The following IL31RA variants were observed in gnomAD, a reference collection of about 807,000 sequenced individuals.
IL31RA encodes the protein interleukin 31 receptor A.
A neutral mutation model predicts 83.7 loss-of-function variants in IL31RA; 66 were observed. That is an observed-to-expected ratio of 0.79 (90% CI 0.65 to 0.97). The LOEUF is 0.97. Among genes scored for constraint, IL31RA ranks in the 50% least tolerant of loss-of-function variants. The pLI is 0.00. For missense variants in IL31RA, 798 were observed against 919.4 expected, an observed-to-expected ratio of 0.87 and a Z score of 1.71; for synonymous variants, 325 against 329.0, an observed-to-expected ratio of 0.99 and a Z score of 0.13.
intron 5 of IL31RA, among the ~76,000 whole-genome samples, chr5:55,885,702 A>C (rs989824308): frequency 1.1e-4 from 17 of 151,964 alleles, no homozygotes; most frequent in African/African-American, 4.1e-4. Context: ...TGCCTCTATC[A>C]CTGTGTTCAG....
chr5:55,879,494 G>A (rs1324847401), intron 4 of IL31RA, among the ~76,000 whole-genome samples: 8 of 125,812 alleles, frequency 6.4e-5, no homozygotes, highest in Non-Finnish European at 9.4e-5. Flanking sequence ...GTGCTGTGGC[G>A]CGATCTTGGC....
rs542883213 is a variant in IL31RA, at chr5:55,882,538, TA to T, written c.455-500del. Among the ~76,000 whole-genome samples, 663 of 152,322 alleles carry T rather than the reference TA, an allele frequency of 4.4e-3. 6 individuals are homozygous for T. Among genetic ancestry groups the T allele is most frequent in the African/African-American group, 0.014 (576 of 41,582 alleles). ...GTTTTTCTTTGTATTTTTCTACACT[TA>T]AAAAATGTTGTATAATAAGCATATG... On this transcript the variant is annotated intron_variant, in intron 4 of 14. Coordinates refer to ENST00000652347, the MANE Select transcript of IL31RA (RefSeq NM_139017.7).
chr5:55,845,172 T>C, the IL31RA span, among the ~76,000 whole-genome samples: 1 of 152,288 alleles, frequency 6.6e-6, no homozygotes, highest in South Asian at 2.1e-4. Flanking sequence ...CTTATAACAT[T>C]TTGTTGAAAG....
chr5:55,906,818 G>T (rs1749188346), intron 9 of IL31RA, among the ~76,000 whole-genome samples: 1 of 152,168 alleles, frequency 6.6e-6, no homozygotes, highest in Non-Finnish European at 1.5e-5. Context: ...GAGTGCAGTG[G>T]CACGATCATA....
intron 11 of IL31RA, among the ~76,000 whole-genome samples, chr5:55,909,444 G>T (rs764444529): frequency 6.6e-6 from 1 of 152,126 alleles, no homozygotes; most frequent in Non-Finnish European, 1.5e-5. Context: ...TGAATTGCTG[G>T]ATCATACTGT....
At chr5:55,841,343 C>T in the IL31RA span, among the ~76,000 whole-genome samples, 8 of 152,206 alleles carry the variant, frequency 5.3e-5, no homozygotes, top group African/African-American at 1.9e-4. Context: ...TTCATCTCCT[C>T]ATGTTTTCTT....
chr5:55,896,572 T>G, intron 7 of IL31RA, 143 bp downstream of exon 7: 2 of 400,470 alleles, frequency 5.0e-6, no homozygotes, highest in Middle Eastern at 6.5e-4. Flanking sequence ...TCCCCTCCCC[T>G]CCCTTCCCCC....
intron 2 of IL31RA, among the ~76,000 whole-genome samples, chr5:55,867,113 ATG>A (rs533803847): frequency 0.014 from 1,452 of 101,778 alleles, 24 homozygotes; most frequent in Middle Eastern, 0.072. Flanking sequence ...GTGTGTGTGC[ATG>A]TGTGTGTTTG....
rs78547848 is a variant in IL31RA, at chr5:55,918,304, G to C, written c.*1184G>C. 5.8e-3 allele frequency among the ~76,000 whole-genome samples: 886 copies of C among 152,314 alleles called. 14 individuals are homozygous for C. The highest frequency in any genetic ancestry group is 0.02 in the African/African-American group (834 of 41,560). On this transcript the variant is annotated 3_prime_UTR_variant, in exon 15 of 15. Coordinates refer to ENST00000652347, the MANE Select transcript of IL31RA (RefSeq NM_139017.7). Reference sequence around the variant, plus strand: ...CACTTGCCAGCCAGGAAGGCTGATGGTATTTTTTCTAGGAGAGTTTGAGGA... The same window carrying C: ...CACTTGCCAGCCAGGAAGGCTGATGCTATTTTTTCTAGGAGAGTTTGAGGA...
At chr5:55,906,711 C>T (rs1473587561) in intron 9 of IL31RA, among the ~76,000 whole-genome samples, 1 of 152,162 alleles carries the variant, frequency 6.6e-6, no homozygotes, top group East Asian at 1.9e-4. Flanking sequence ...AGTCCCTGCC[C>T]TACGTAAGAT....
chr5:55,905,676 C>T (rs192705051), intron 8 of IL31RA, among the ~76,000 whole-genome samples: 2 of 152,260 alleles, frequency 1.3e-5, no homozygotes, highest in East Asian at 1.9e-4. Context: ...ATAGTGAAAG[C>T]GTAAAGCCAT....
At chr5:55,913,756 C>T (rs1178013772) in intron 13 of IL31RA, among the ~76,000 whole-genome samples, 186 bp downstream of exon 13, 1 of 152,220 alleles carries the variant, frequency 6.6e-6, no homozygotes, top group East Asian at 1.9e-4. Flanking sequence ...TCTGACCAAG[C>T]AAGAGCACTT....
upstream of IL31RA, among the ~76,000 whole-genome samples, chr5:55,849,065 T>G (rs1023806277): frequency 2.0e-5 from 3 of 152,202 alleles, no homozygotes; most frequent in African/African-American, 7.2e-5. Context: ...TTTTAAAATA[T>G]AATTTTACAT....
chr5:55,913,458 T>A lies in IL31RA; in HGVS notation c.1643-19T>A. On this transcript the variant is annotated intron_variant, in intron 12 of 14. Transcript: ENST00000652347. ...AGGTGAGGAACTCACTACTGACTTT[T>A]GTTCTTTGTTTTTCAAAGGTGTCTT... is the stretch of plus-strand genomic sequence containing the variant. 1.3e-6 allele frequency: 2 copies of A among 1,547,988 alleles called. No individual in the cohort carries two copies. Among genetic ancestry groups the A allele is most frequent in the Non-Finnish European group, 1.8e-6 (2 of 1,119,736 alleles).
chr5:55,851,364 CCTT>C lies in IL31RA; in HGVS notation c.-204_-202del, dbSNP rs370282946. The C allele has an allele frequency of 1.2e-5, 9 of 761,332 alleles. No homozygotes were observed. The highest frequency in any genetic ancestry group is 1.0e-4 in the African/African-American group (6 of 57,190). The allele number at this position is 761,332 out of a possible 1,614,324, so 47.2% of individuals were successfully genotyped here. A position where few individuals can be genotyped will look rare whatever the true frequency, so the allele number is the denominator to read the frequency against. On this transcript the variant is annotated 5_prime_UTR_variant, in exon 1 of 15. Transcript: ENST00000652347. ...ATATTTTCTCCATGAGGCACAGCCT[CCTT>C]CTGCTTAGGAACACCAGACAGCACT...
intron 2 of IL31RA, among the ~76,000 whole-genome samples, chr5:55,868,321 T>C (rs1746312314): frequency 6.6e-6 from 1 of 152,206 alleles, no homozygotes; most frequent in Non-Finnish European, 1.5e-5. Context: ...GAAGATACAG[T>C]TGAAGATATT....
At position 55,872,272 on chromosome 5, in the gene IL31RA, C is replaced by T; in HGVS notation, c.275C>T (p.Ala92Val). The T allele has an allele frequency of 1.2e-6, 2 of 1,612,018 alleles. No individual in the cohort carries two copies. The highest frequency in any genetic ancestry group is 1.7e-6 in the Non-Finnish European group (2 of 1,178,516). The change falls in exon 4 of 15, where the codon GCT becomes GTT. Residue 92 changes from alanine to valine, a missense_variant and splice_region_variant. By Grantham distance (64) the Ala-to-Val change is moderately conservative (BLOSUM62 0). Transcript: ENST00000652347. Reference protein sequence around the residue: ...YTQYTVKRTYAFGEKHDNCTT... With the variant: ...YTQYTVKRTYVFGEKHDNCTT... Reference sequence around the variant, plus strand: ...TTGAATCACTTTTTCTTTCAAAGCGCTTTTGGAGAAAAACATGATAATTGT... The same window carrying T: ...TTGAATCACTTTTTCTTTCAAAGCGTTTTTGGAGAAAAACATGATAATTGT...
At chr5:55,899,683 C>G (rs150794587) in intron 7 of IL31RA, among the ~76,000 whole-genome samples, 62 of 152,274 alleles carry the variant, frequency 4.1e-4, no homozygotes, top group African/African-American at 1.3e-3. Flanking sequence ...GGGCATTCTT[C>G]TAGTTTAGCC....
chr5:55,882,435 C>T (rs1414526259), intron 4 of IL31RA, among the ~76,000 whole-genome samples: 3 of 151,980 alleles, frequency 2.0e-5, no homozygotes, highest in South Asian at 2.1e-4. Flanking sequence ...AATAATTATA[C>T]GGAAAACGGC....
Sources: gnomAD v4.1 joint callset for allele counts (sites outside exome capture counted in the v4.1 genomes callset) on GRCh38, gnomAD v4.1.1 for gene constraint, MANE v1.5 for transcripts, NCBI Gene and HGNC (gene_info 2026-07-23, HGNC 2026-07-21) for gene names.